The following CTPS1 variants were observed in gnomAD, a reference collection of about 807,000 sequenced individuals.
CTPS1 encodes CTP synthase 1, also known as CTP synthetase 1.
A neutral mutation model predicts 80.5 loss-of-function variants in CTPS1; 25 were observed. The observed-to-expected ratio is 0.31, with a 90% CI of 0.23 to 0.43. The LOEUF (loss-of-function observed/expected upper bound fraction) is 0.43, where lower values mean the gene tolerates loss of function less well. CTPS1 is among the 20% of genes least tolerant of loss of function. The pLI is 1.00. For synonymous variants in CTPS1, 267 were observed against 252.5 expected, an observed-to-expected ratio of 1.06 and a Z score of -0.54; for missense variants, 442 against 725.7, an observed-to-expected ratio of 0.61 and a Z score of 4.49.
At chr1:40,984,656 A>G (rs1642406499) in intron 2 of CTPS1, among the ~76,000 whole-genome samples, 165 bp from the exon 3 acceptor site, 1 of 152,200 alleles carries the variant, frequency 6.6e-6, no homozygotes, top group Non-Finnish European at 1.5e-5. Flanking sequence ...AATAGCTGGT[A>G]ATTTTTCTTT....
In CTPS1 at chr1:41,007,250, C is replaced by T. The variant is rs1643056177; in HGVS notation, c.1297-199C>T. On this transcript the variant is annotated intron_variant, in intron 13 of 18. Transcript: ENST00000650070. The surrounding 1 kb of genome is among the most constrained non-coding windows in gnomAD (Gnocchi z 4.4). ...CCTGTCTGCAGATCAGGAGGACAGG[C>T]TGAAGGACGGAGCCTCCACCCAACC... Among the ~76,000 whole-genome samples the T allele has an allele frequency of 6.6e-6, 1 of 152,334 alleles. No individual in the cohort carries two copies. The highest frequency in any genetic ancestry group is 2.4e-5 in the African/African-American group (1 of 41,574).
At chr1:41,008,088 G>A (rs1020039811) in intron 14 of CTPS1, among the ~76,000 whole-genome samples, 2 of 152,204 alleles carry the variant, frequency 1.3e-5, no homozygotes, top group African/African-American at 2.4e-5. Context: ...TTCTGTAGCA[G>A]CATAGCTGGA....
chr1:41,011,548 C>T (rs1643173275), intron 18 of CTPS1, 110 bp from the exon 19 acceptor site: 1 of 152,208 alleles, frequency 6.6e-6, no homozygotes, highest in Admixed American at 6.5e-5. Flanking sequence ...CCTTCTACTG[C>T]TCTGCCATGA....
At chr1:41,006,613 C>T (rs893095173) in intron 13 of CTPS1, among the ~76,000 whole-genome samples, 2 of 152,200 alleles carry the variant, frequency 1.3e-5, no homozygotes, top group African/African-American at 4.8e-5. Context: ...GTGGCATTCT[C>T]AGCCCGCTGT....
At position 40,983,350 on chromosome 1, in the gene CTPS1, C is replaced by T. The variant is rs1413527116; in HGVS notation, c.60C>T (p.Ala20=). The change falls in exon 2 of 19, where the codon GCC becomes GCT. Residue 20 remains alanine (A), a synonymous_variant. Transcript: ENST00000650070. ...VISGIGKGII[A]SSVGTILKSC... is the part of the protein sequence containing the mutation. ...CAGGAATTGGAAAAGGAATCATTGC[C>T]AGCAGTGTGGGCACAATACTCAAGT... The T allele has an allele frequency of 1.9e-6, 3 of 1,613,976 alleles. No individual in the cohort carries two copies. Among genetic ancestry groups the T allele is most frequent in the Non-Finnish European group, 2.5e-6 (3 of 1,179,932 alleles).
intron 5 of CTPS1, among the ~76,000 whole-genome samples, chr1:40,990,758 C>G (rs1324518072): frequency 6.6e-6 from 1 of 152,138 alleles, no homozygotes; most frequent in Non-Finnish European, 1.5e-5. Context: ...GGTTTGGGAA[C>G]AGTATTTAAA....
intron 6 of CTPS1, among the ~76,000 whole-genome samples, 158 bp downstream of exon 6, chr1:40,991,406 A>C (rs977554565): frequency 1.3e-5 from 2 of 152,176 alleles, no homozygotes; most frequent in African/African-American, 4.8e-5. Context: ...AGTTTGCAAG[A>C]TGTTCATACT....
At chr1:40,993,235 G>C (rs1216447075) in intron 7 of CTPS1, among the ~76,000 whole-genome samples, 10 of 151,794 alleles carry the variant, frequency 6.6e-5, no homozygotes, top group Admixed American at 6.6e-4. Flanking sequence ...ATTTTTAGTA[G>C]AAATGGTGTT....
Position 40,983,268 on chromosome 1 carries a change from C to T in CTPS1, c.-13-10C>T. The T allele has an allele frequency of 1.2e-6, 2 of 1,604,802 alleles. No homozygotes were observed. The highest frequency in any genetic ancestry group is 1.7e-6 in the Non-Finnish European group (2 of 1,174,644). ...ACATTTATATCATCTGTAATTTTTC[C>T]TTCTTCCAGGTCAAAGAGTAAAATG... On this transcript the variant is annotated splice_polypyrimidine_tract_variant and intron_variant, in intron 1 of 18. Transcript: ENST00000650070.
intron 12 of CTPS1, 112 bp downstream of exon 12, chr1:41,003,288 C>T (rs1642953977): frequency 8.8e-7 from 1 of 1,135,654 alleles, no homozygotes; most frequent in Admixed American, 1.8e-5. Flanking sequence ...GGCCTGGGTT[C>T]CTAGCACCTC....
chr1:41,004,918 C>T (rs996296445), intron 12 of CTPS1, among the ~76,000 whole-genome samples: 1 of 151,956 alleles, frequency 6.6e-6, no homozygotes, highest in Non-Finnish European at 1.5e-5. Flanking sequence ...CACTTGAGGC[C>T]AGGAGGTCGA....
At chr1:40,998,138 C>T (rs999698746) in intron 9 of CTPS1, among the ~76,000 whole-genome samples, 1 of 152,102 alleles carries the variant, frequency 6.6e-6, no homozygotes. Context: ...TTGGCTCATG[C>T]CTGTAATCCC....
chr1:41,010,139 G>A (rs769053833), intron 17 of CTPS1, 22 bp from the exon 18 acceptor site: 31 of 1,587,214 alleles, frequency 2.0e-5, no homozygotes, highest in Admixed American at 8.4e-5. Flanking sequence ...GAGATGATGC[G>A]TAAACCATCT....
At chr1:40,982,020 T>A in intron 1 of CTPS1, 1 of 1,288,860 alleles carries the variant, frequency 7.8e-7, no homozygotes, top group Non-Finnish European at 1.0e-6. Flanking sequence ...TACTTTCTAA[T>A]TGTGTTTTTC....
chr1:40,993,774 CTTTTT>C (rs71278720), intron 7 of CTPS1, among the ~76,000 whole-genome samples: 2,062 of 85,736 alleles, frequency 0.024, 48 homozygotes, highest in East Asian at 0.13. Flanking sequence ...TTTCTTCTCT[CTTTTT>C]TTTTTTTTTT....
intron 4 of CTPS1, chr1:40,988,375 T>C: frequency 9.8e-6 from 4 of 406,644 alleles, no homozygotes; most frequent in Non-Finnish European, 1.8e-5. Flanking sequence ...GAAAGTTCCA[T>C]AATAACCTTT....
At chr1:40,992,938 C>T (rs886852653) in intron 7 of CTPS1, among the ~76,000 whole-genome samples, 3 of 152,098 alleles carry the variant, frequency 2.0e-5, no homozygotes, top group African/African-American at 7.2e-5. Flanking sequence ...AGGTGATCCA[C>T]CTGCCTCAGC....
At chr1:40,982,055 G>A in intron 1 of CTPS1, 2 of 1,220,652 alleles carry the variant, frequency 1.6e-6, no homozygotes, top group Non-Finnish European at 2.2e-6. Flanking sequence ...TGGGTTTGCT[G>A]ACCAAATGGA....
chr1:40,994,562 A>C (rs1045068892), intron 7 of CTPS1, among the ~76,000 whole-genome samples: 2 of 152,210 alleles, frequency 1.3e-5, no homozygotes, highest in East Asian at 3.8e-4. Context: ...CCTTACTAAA[A>C]TTCTATTAGT....
Sources: gnomAD v4.1 joint callset for allele counts (sites outside exome capture counted in the v4.1 genomes callset) on GRCh38, gnomAD v4.1.1 for gene constraint, Gnocchi (gnomAD v3.1) non-coding constraint, MANE v1.5 for transcripts, NCBI Gene and HGNC (gene_info 2026-07-23, HGNC 2026-07-21) for gene names.